Variants in GRIA1 observed in about 807,000 individuals in gnomAD.
GRIA1 encodes glutamate receptor 1.
GRIA1 carries 31 observed loss-of-function variants against 99.2 expected under a neutral mutation model. The ratio of observed to expected loss-of-function variants is 0.31; its 90% CI spans 0.23 to 0.42. The LOEUF (loss-of-function observed/expected upper bound fraction) is 0.42. Ranked by LOEUF, GRIA1 falls within the 10% of genes least tolerant of loss-of-function variation. The pLI is 1.00. For missense variants in GRIA1, 782 were observed against 1,157.5 expected (o/e 0.68, Z 4.71); for synonymous variants, 438 against 432.4 (o/e 1.01, Z -0.16).
intron 12 of GRIA1, among the ~76,000 whole-genome samples, chr5:153,767,794 G>C (rs983871294): frequency 1.3e-5 from 2 of 152,126 alleles, no homozygotes; most frequent in Admixed American, 1.3e-4. Flanking sequence ...TGGGAGCTGC[G>C]GATGATAGGA....
chr5:153,667,647 A>G (rs777683797), intron 5 of GRIA1, among the ~76,000 whole-genome samples: 8 of 152,320 alleles, frequency 5.3e-5, no homozygotes, highest in Admixed American at 3.9e-4. Context: ...TGTAGGTGCT[A>G]TATCTGCATT....
chr5:153,512,768 C>T (rs954759638), intron 2 of GRIA1, among the ~76,000 whole-genome samples: 1 of 152,236 alleles, frequency 6.6e-6, no homozygotes, highest in African/African-American at 2.4e-5. Flanking sequence ...ACAAATCCTT[C>T]TGACCATAGT....
chr5:153,515,767 A>C (rs912419194), intron 2 of GRIA1, among the ~76,000 whole-genome samples: 2 of 152,192 alleles, frequency 1.3e-5, no homozygotes, highest in African/African-American at 4.8e-5. Context: ...TTTTTTAAAA[A>C]GGCTATTTTT....
chr5:153,768,642 T>C (rs888412204), intron 12 of GRIA1, among the ~76,000 whole-genome samples: 2 of 152,182 alleles, frequency 1.3e-5, no homozygotes, highest in Non-Finnish European at 2.9e-5. Flanking sequence ...CAAATGACAA[T>C]TGTAGATCAA....
At chr5:153,646,625 C>T (rs377586525) in intron 2 of GRIA1, among the ~76,000 whole-genome samples, 1 of 152,082 alleles carries the variant, frequency 6.6e-6, no homozygotes, top group Non-Finnish European at 1.5e-5. Context: ...AATTAATAAC[C>T]ATGACAACTT....
intron 2 of GRIA1, among the ~76,000 whole-genome samples, chr5:153,560,993 A>T (rs1761075773): frequency 6.6e-6 from 1 of 152,144 alleles, no homozygotes; most frequent in African/African-American, 2.4e-5. Flanking sequence ...GATTTTTTTT[A>T]GGTTGATTCC....
At chr5:153,718,948 A>G (rs1039772504) in intron 11 of GRIA1, among the ~76,000 whole-genome samples, 5 of 152,164 alleles carry the variant, frequency 3.3e-5, no homozygotes, top group African/African-American at 9.7e-5. Context: ...ATTGGATAGG[A>G]ACTGAATCCA....
chr5:153,548,076 A>C lies in GRIA1; in HGVS notation c.220+54011A>C, dbSNP rs146214984. ...AAATATAATATACATCACTTGCATG[A>C]ATTTTTACTCCTGCTTGAGCAGGCT... On this transcript the variant is annotated intron_variant, in intron 2 of 15. Coordinates refer to ENST00000285900, the MANE Select transcript of GRIA1 (RefSeq NM_000827.4). Among the ~76,000 whole-genome samples, 401 of 152,292 alleles carry C rather than the reference A, an allele frequency of 2.6e-3. 2 individuals are homozygous for C. Among genetic ancestry groups the C allele is most frequent in the African/African-American group, 9.2e-3 (381 of 41,568 alleles).
chr5:153,692,933 C>T (rs1757862511), intron 8 of GRIA1, among the ~76,000 whole-genome samples: 1 of 152,120 alleles, frequency 6.6e-6, no homozygotes, highest in African/African-American at 2.4e-5. Context: ...TAAAATAACA[C>T]CTCAAGCAGA....
intron 2 of GRIA1, among the ~76,000 whole-genome samples, chr5:153,616,294 C>G (rs543611516): frequency 1.3e-3 from 194 of 152,214 alleles, no homozygotes; most frequent in Non-Finnish European, 2.2e-3. Context: ...CTTTTAGAAT[C>G]CGGTGTGTTT....
chr5:153,754,870 T>G (rs1392254530), intron 11 of GRIA1, among the ~76,000 whole-genome samples: 2 of 152,164 alleles, frequency 1.3e-5, no homozygotes, highest in African/African-American at 4.8e-5. Context: ...ATGGAGCTTA[T>G]GGTGTAAGGG....
At chr5:153,501,504 T>A (rs1292364744) in intron 2 of GRIA1, among the ~76,000 whole-genome samples, 3 of 152,132 alleles carry the variant, frequency 2.0e-5, no homozygotes, top group Admixed American at 6.5e-5. Context: ...CCTTGTAGGC[T>A]CTGTTATGGA....
chr5:153,662,604 G>C lies in GRIA1; in HGVS notation c.699+6732G>C, dbSNP rs1162596706. ...GAATCCAGCGGAGTGAGAGCTGAAG[G>C]GTACCTATGAAACTCATCTCACCCG... On this transcript the variant is annotated intron_variant, in intron 5 of 15. Transcript: ENST00000285900. Among the ~76,000 whole-genome samples the C allele has an allele frequency of 2.0e-5, 3 of 152,060 alleles. No homozygotes were observed. The East Asian group carries it at 5.8e-4, about 29-fold the overall frequency.
At chr5:153,651,618 C>T (rs541522577) in intron 4 of GRIA1, among the ~76,000 whole-genome samples, 1 of 152,270 alleles carries the variant, frequency 6.6e-6, no homozygotes, top group Non-Finnish European at 1.5e-5. Context: ...CCCTGGGGCC[C>T]TCACAGAGAA....
intron 2 of GRIA1, among the ~76,000 whole-genome samples, chr5:153,494,984 C>G (rs1405042597): frequency 6.6e-6 from 1 of 152,178 alleles, no homozygotes; most frequent in Non-Finnish European, 1.5e-5. Flanking sequence ...TGAGCTGTCT[C>G]TGGTGGAAGT....
intron 2 of GRIA1, among the ~76,000 whole-genome samples, chr5:153,503,289 T>C (rs142317770): frequency 6.6e-6 from 1 of 152,346 alleles, no homozygotes; most frequent in Non-Finnish European, 1.5e-5. Context: ...GATAACTTGT[T>C]TAATGTGAGT....
intron 5 of GRIA1, among the ~76,000 whole-genome samples, chr5:153,665,603 G>A (rs1236865689): frequency 1.3e-5 from 2 of 152,188 alleles, no homozygotes; most frequent in African/African-American, 4.8e-5. Flanking sequence ...CAGCCCAGGA[G>A]TATTCCACAA....
intron 12 of GRIA1, among the ~76,000 whole-genome samples, chr5:153,769,380 C>A (rs1763729379): frequency 6.6e-6 from 1 of 152,062 alleles, no homozygotes; most frequent in East Asian, 1.9e-4. Context: ...GTCTAAAAAC[C>A]ATTGCCTTTG....
chr5:153,614,968 T>C (rs1216449531), intron 2 of GRIA1, among the ~76,000 whole-genome samples: 2 of 152,144 alleles, frequency 1.3e-5, no homozygotes, highest in African/African-American at 2.4e-5. Flanking sequence ...ATCAAGTGGG[T>C]TTACAGTTAT....
Sources: allele counts gnomAD v4.1 joint callset (sites outside exome capture counted in the v4.1 genomes callset), GRCh38; gene constraint gnomAD v4.1.1; transcripts MANE v1.5; gene names NCBI Gene and HGNC (gene_info 2026-07-23, HGNC 2026-07-21).